Variants in NDST4 observed in about 807,000 individuals in gnomAD.
NDST4 encodes N-deacetylase and N-sulfotransferase 4.
In NDST4, 63 loss-of-function variants were observed where a neutral mutation model predicts 100.8. The observed-to-expected ratio is 0.62, with a 90% CI of 0.51 to 0.77. The LOEUF (loss-of-function observed/expected upper bound fraction) is 0.77, where lower values mean the gene tolerates loss of function less well. Among genes scored for constraint, NDST4 ranks in the 30% least tolerant of loss-of-function variants. NDST4 has a pLI of 0.00. For synonymous variants in NDST4, 377 were observed against 361.8 expected, an observed-to-expected ratio of 1.04 and a Z score of -0.48; for missense variants, 943 against 1,018.4, an observed-to-expected ratio of 0.93 and a Z score of 1.01.
intron 2 of NDST4, among the ~76,000 whole-genome samples, chr4:115,003,226 T>A (rs1159520628): frequency 6.6e-6 from 1 of 151,950 alleles, no homozygotes; most frequent in Non-Finnish European, 1.5e-5. Flanking sequence ...TGCATATGTA[T>A]CCCAGAACTT....
chr4:114,913,361 A>G (rs1428324149), intron 6 of NDST4, among the ~76,000 whole-genome samples: 6 of 152,084 alleles, frequency 3.9e-5, no homozygotes, highest in Admixed American at 6.6e-5. Context: ...ATTTTCAACA[A>G]TAGTTATTTT....
intron 2 of NDST4, among the ~76,000 whole-genome samples, chr4:115,059,808 T>C (rs1179794729): frequency 6.6e-6 from 1 of 151,994 alleles, no homozygotes; most frequent in Admixed American, 6.6e-5. Flanking sequence ...GGAAAGAAAT[T>C]CCACACAGAC....
chr4:115,032,817 T>A (rs1728143095), intron 2 of NDST4, among the ~76,000 whole-genome samples: 1 of 152,064 alleles, frequency 6.6e-6, no homozygotes, highest in South Asian at 2.1e-4. Context: ...ATTCATTAGT[T>A]GGAAGATGAC....
chr4:114,908,673 G>A (rs1024298800), intron 6 of NDST4, among the ~76,000 whole-genome samples: 28 of 152,172 alleles, frequency 1.8e-4, no homozygotes, highest in African/African-American at 5.8e-4. Context: ...AATTTTCCTC[G>A]CTTGTCTCAG....
At chr4:114,951,518 T>C (rs1054792168) in intron 4 of NDST4, among the ~76,000 whole-genome samples, 30 of 152,122 alleles carry the variant, frequency 2.0e-4, no homozygotes, top group African/African-American at 6.8e-4. Flanking sequence ...ATAATGATAA[T>C]GATGACAAAT....
chr4:115,091,882 TG>T (rs1333026585), intron 1 of NDST4, among the ~76,000 whole-genome samples: 1 of 152,200 alleles, frequency 6.6e-6, no homozygotes, highest in Non-Finnish European at 1.5e-5. Flanking sequence ...AAGTATTTTT[TG>T]GTACTAACAA....
At chr4:115,066,965 C>T (rs979138078) in intron 2 of NDST4, among the ~76,000 whole-genome samples, 1 of 152,196 alleles carries the variant, frequency 6.6e-6, no homozygotes, top group African/African-American at 2.4e-5. Context: ...GAGTAAGCCA[C>T]TGCTGTCTAT....
intron 4 of NDST4, among the ~76,000 whole-genome samples, chr4:114,958,401 C>G (rs1309646669): frequency 1.3e-5 from 2 of 148,806 alleles, no homozygotes; most frequent in Non-Finnish European, 2.9e-5. Context: ...TCTGAGACCC[C>G]CAGTCTCTTT....
At chr4:114,920,838 C>T (rs1423370171) in intron 6 of NDST4, among the ~76,000 whole-genome samples, 1 of 152,118 alleles carries the variant, frequency 6.6e-6, no homozygotes, top group Non-Finnish European at 1.5e-5. Context: ...GTATCCTATC[C>T]ACTAGTGATA....
At chr4:114,923,964 T>G (rs926153929) in intron 6 of NDST4, among the ~76,000 whole-genome samples, 1 of 151,966 alleles carries the variant, frequency 6.6e-6, no homozygotes, top group African/African-American at 2.4e-5. Flanking sequence ...TCTTACGGAT[T>G]TTTTCATGTT....
At chr4:115,065,063 A>C (rs558020660) in intron 2 of NDST4, among the ~76,000 whole-genome samples, 1 of 152,206 alleles carries the variant, frequency 6.6e-6, no homozygotes, top group East Asian at 1.9e-4. Context: ...AACAATAGTG[A>C]TGACATTGTA....
intron 4 of NDST4, among the ~76,000 whole-genome samples, chr4:114,949,562 T>C (rs988583199): frequency 6.6e-6 from 1 of 152,068 alleles, no homozygotes; most frequent in African/African-American, 2.4e-5. Flanking sequence ...ATTTGCTCCA[T>C]AGTTTTATGA....
At chr4:114,871,280 G>T (rs2126197032) in intron 6 of NDST4, among the ~76,000 whole-genome samples, 1 of 152,134 alleles carries the variant, frequency 6.6e-6, no homozygotes, top group South Asian at 2.1e-4. Flanking sequence ...TATTAGACCA[G>T]TTCTAAAATT....
intron 11 of NDST4, among the ~76,000 whole-genome samples, chr4:114,837,451 C>G (rs905219408): frequency 2.0e-5 from 3 of 152,110 alleles, no homozygotes; most frequent in African/African-American, 7.2e-5. Flanking sequence ...AGTAACCAAA[C>G]AAGCATGGTA....
intron 4 of NDST4, among the ~76,000 whole-genome samples, chr4:114,939,917 C>A (rs1273913641): frequency 6.6e-6 from 1 of 152,144 alleles, no homozygotes; most frequent in Non-Finnish European, 1.5e-5. Flanking sequence ...CCTAGCAACT[C>A]TTTTGCTATT....
chr4:114,879,989 A>T (rs2126200621), intron 6 of NDST4, among the ~76,000 whole-genome samples: 1 of 152,308 alleles, frequency 6.6e-6, no homozygotes, highest in South Asian at 2.1e-4. Flanking sequence ...ATTATTAACA[A>T]ATCAAAACTG....
chr4:114,956,832 G>A (rs1726152032), intron 4 of NDST4, among the ~76,000 whole-genome samples: 1 of 152,038 alleles, frequency 6.6e-6, no homozygotes, highest in Non-Finnish European at 1.5e-5. Flanking sequence ...TAACATGGAG[G>A]GAAGGGATCA....
At chr4:114,908,215 A>G (rs912864566) in intron 6 of NDST4, among the ~76,000 whole-genome samples, 1 of 152,192 alleles carries the variant, frequency 6.6e-6, no homozygotes, top group Non-Finnish European at 1.5e-5. Context: ...ATACTAAGTT[A>G]AAAAGCTAAG....
chr4:115,097,136 C>T (rs1419706480), intron 1 of NDST4, among the ~76,000 whole-genome samples: 1 of 152,000 alleles, frequency 6.6e-6, no homozygotes, highest in Non-Finnish European at 1.5e-5. Context: ...CTCTTCTACT[C>T]TTTTCTATTT....
Sources: allele counts gnomAD v4.1 joint callset (sites outside exome capture counted in the v4.1 genomes callset), GRCh38; gene constraint gnomAD v4.1.1; transcripts MANE v1.5; gene names NCBI Gene and HGNC (gene_info 2026-07-23, HGNC 2026-07-21).